PAG1: variants seen among roughly 807,000 people sequenced by gnomAD.
PAG1 encodes the protein phosphoprotein associated with glycosphingolipid-enriched microdomains 1.
A neutral mutation model predicts 31.7 loss-of-function variants in PAG1; 23 were observed. The ratio of observed to expected loss-of-function variants is 0.73; its 90% CI spans 0.52 to 1.03. The LOEUF (loss-of-function observed/expected upper bound fraction) is 1.03. Ranked by LOEUF, PAG1 falls within the 50% of genes least tolerant of loss-of-function variation. The pLI, the probability that PAG1 is intolerant of heterozygous loss-of-function variation, is 0.00. For missense variants in PAG1, 473 were observed against 540.7 expected (o/e 0.87, Z 1.24); for synonymous variants, 214 against 210.3 (o/e 1.02, Z -0.15).
At chr8:81,015,454 C>T (rs892092939) in intron 3 of PAG1, among the ~76,000 whole-genome samples, 6 of 152,216 alleles carry the variant, frequency 3.9e-5, no homozygotes, top group Non-Finnish European at 7.3e-5. Context: ...CCAAGATACA[C>T]ATGCACTCAG....
intron 2 of PAG1, among the ~76,000 whole-genome samples, chr8:81,062,008 T>C (rs574579030): frequency 6.6e-5 from 10 of 152,242 alleles, no homozygotes; most frequent in Non-Finnish European, 1.3e-4. Context: ...TTGAGGCATA[T>C]TTTAAAATAC....
At chr8:81,023,824 G>A (rs1808228813) in intron 3 of PAG1, among the ~76,000 whole-genome samples, 1 of 151,982 alleles carries the variant, frequency 6.6e-6, no homozygotes, top group Non-Finnish European at 1.5e-5. Context: ...ATAAACACAG[G>A]TTTAGGAAAT....
rs377584054 is a variant in PAG1, at chr8:80,987,416, A to T, written c.228T>A (p.Asp76Glu). The T allele has an allele frequency of 6.2e-7, 1 of 1,614,044 alleles. No individual in the cohort carries two copies. Among genetic ancestry groups the T allele is most frequent in the Admixed American group, 1.7e-5 (1 of 60,024 alleles). ...FSRSVTSLATDAPASSEQNGA... is the reference protein window; with the variant it reads ...FSRSVTSLATEAPASSEQNGA... ...CATTCTGCTCACTGCTGGCAGGAGC[A>T]TCTGTTGCCAGGCTAGTAACTGAAC... is the stretch of plus-strand genomic sequence containing the variant. Residue 76 changes from aspartate (D) to glutamate (E), a missense_variant, in exon 6 of 9, where the codon GAT becomes GAA. Physicochemically the swap from Asp to Glu is conservative, Grantham distance 45 (BLOSUM62 2). Transcript: ENST00000220597.
At chr8:80,993,075 G>A (rs1395182862) in intron 4 of PAG1, 28 bp downstream of exon 4, 2 of 1,582,546 alleles carry the variant, frequency 1.3e-6, no homozygotes, top group African/African-American at 1.4e-5. Flanking sequence ...TTAGTTTAAG[G>A]CACAGGTATA....
intron 6 of PAG1, 55 bp downstream of exon 6, chr8:80,987,315 G>A (rs1807444705): frequency 1.9e-6 from 2 of 1,076,184 alleles, no homozygotes; most frequent in Middle Eastern, 2.0e-4. Flanking sequence ...TGAAACCTAG[G>A]ACTTCCAGAG....
rs780010456 is a variant in PAG1, at chr8:80,987,356, T to G, written c.274+14A>C. 6.4e-7 allele frequency: 1 copy of G among 1,562,428 alleles called. No homozygotes were observed. Among genetic ancestry groups the G allele is most frequent in the Non-Finnish European group, 8.8e-7 (1 of 1,133,054 alleles). Reference sequence around the variant, plus strand: ...GAGGCCTGTGTGGAAAGCTGGTGTTTTTGCAGAACTTACTGTCCCCATTGG... The same window carrying G: ...GAGGCCTGTGTGGAAAGCTGGTGTTGTTGCAGAACTTACTGTCCCCATTGG... On this transcript the variant is annotated intron_variant, in intron 6 of 8. Coordinates refer to ENST00000220597, the MANE Select transcript of PAG1 (RefSeq NM_018440.4).
chr8:81,000,953 C>T (rs528602567), intron 3 of PAG1, among the ~76,000 whole-genome samples: 41 of 152,348 alleles, frequency 2.7e-4, no homozygotes, highest in African/African-American at 9.9e-4. Flanking sequence ...TTCACACCTT[C>T]TCCAGCTCCT....
intron 6 of PAG1, among the ~76,000 whole-genome samples, chr8:80,986,282 AG>A (rs1807418493): frequency 6.6e-6 from 1 of 152,138 alleles, no homozygotes; most frequent in Admixed American, 6.5e-5. Context: ...ATCATCACGG[AG>A]GGGGTGAACT....
In PAG1 at chr8:81,102,426, A is replaced by G. The variant is rs548954397; in HGVS notation, c.-234+9165T>C. ...AGCCCCTTTGGATTCAACTTTTCCT[A>G]CCAAAGCTAAAATGTAAAATAGGCA... On this transcript the variant is annotated intron_variant, in intron 1 of 8. Transcript: ENST00000220597. Among the ~76,000 whole-genome samples the G allele has an allele frequency of 2.6e-5, 4 of 152,302 alleles. No homozygotes were observed. The East Asian group carries it at 7.7e-4, about 29-fold the overall frequency.
intron 1 of PAG1, among the ~76,000 whole-genome samples, chr8:81,072,718 C>T (rs1222159388): frequency 6.6e-6 from 1 of 152,178 alleles, no homozygotes; most frequent in Non-Finnish European, 1.5e-5. Context: ...CAAACACATA[C>T]TCACATACTC....
chr8:81,002,758 C>A (rs1807809270), intron 3 of PAG1, among the ~76,000 whole-genome samples: 1 of 152,192 alleles, frequency 6.6e-6, no homozygotes, highest in Non-Finnish European at 1.5e-5. Flanking sequence ...CAAAATATTT[C>A]TTGATTCATA....
At position 81,098,875 on chromosome 8, in the gene PAG1, G is replaced by C. The variant is rs538545474; in HGVS notation, c.-234+12716C>G. Among the ~76,000 whole-genome samples the C allele has an allele frequency of 3.3e-5, 5 of 152,334 alleles. No homozygotes were observed. In the East Asian group the frequency reaches 9.6e-4, roughly 29 times the overall value. On this transcript the variant is annotated intron_variant, in intron 1 of 8. Transcript: ENST00000220597. ...GGCAGAGAGGATTGGAGGGTGGGGA[G>C]CTAGAAAGAAGATGAAATGCAATAG... is the stretch of plus-strand genomic sequence containing the variant.
chr8:81,071,119 T>C (rs926829904), intron 1 of PAG1, among the ~76,000 whole-genome samples: 1 of 151,998 alleles, frequency 6.6e-6, no homozygotes, highest in Non-Finnish European at 1.5e-5. Flanking sequence ...TTAGAAGAAA[T>C]GAAAAGCAAA....
intron 3 of PAG1, among the ~76,000 whole-genome samples, chr8:81,001,278 G>A (rs765651987): frequency 1.7e-4 from 26 of 152,256 alleles, no homozygotes; most frequent in Non-Finnish European, 3.1e-4. Context: ...CATAACTGTA[G>A]CCGTAGTGTG....
At chr8:80,985,507 A>G in intron 6 of PAG1, 130 bp from the exon 7 acceptor site, 1 of 871,202 alleles carries the variant, frequency 1.1e-6, no homozygotes, top group Non-Finnish European at 1.7e-6. Context: ...CACAAATTAT[A>G]GTTGTTATGA....
intron 2 of PAG1, among the ~76,000 whole-genome samples, chr8:81,044,775 G>A (rs1440276182): frequency 6.6e-6 from 1 of 152,054 alleles, no homozygotes; most frequent in East Asian, 1.9e-4. Flanking sequence ...AAGGCTCTAG[G>A]ATGTTTCCTA....
At chr8:81,023,931 G>A (rs1376830555) in intron 3 of PAG1, among the ~76,000 whole-genome samples, 1 of 152,124 alleles carries the variant, frequency 6.6e-6, no homozygotes, top group East Asian at 1.9e-4. Flanking sequence ...CACAACATCA[G>A]TTGCTTCTTC....
Position 80,990,824 on chromosome 8 carries a change from C to T in PAG1, c.177+655G>A, listed in dbSNP as rs1807530637. Among the ~76,000 whole-genome samples, 1 of 152,156 alleles carries T rather than the reference C, an allele frequency of 6.6e-6. No homozygotes were observed. The highest frequency in any genetic ancestry group is 6.5e-5 in the Admixed American group (1 of 15,284). Reference sequence around the variant, plus strand: ...AACTGTGTCTCTCCAAAATTCATGTCCAAGTCCTAACCCCCAGCACCTGAG... The same window carrying T: ...AACTGTGTCTCTCCAAAATTCATGTTCAAGTCCTAACCCCCAGCACCTGAG... On this transcript the variant is annotated intron_variant, in intron 5 of 8. Coordinates refer to ENST00000220597, the MANE Select transcript of PAG1 (RefSeq NM_018440.4). The surrounding 1 kb of genome is among the most constrained non-coding windows in gnomAD (Gnocchi z 5.1).
At chr8:81,078,574 A>G (rs140510689) in intron 1 of PAG1, among the ~76,000 whole-genome samples, 2 of 152,306 alleles carry the variant, frequency 1.3e-5, no homozygotes, top group African/African-American at 4.8e-5. Context: ...TCTCAAATGC[A>G]GGCAATCCTT....
Sources: allele counts gnomAD v4.1 joint callset (sites outside exome capture counted in the v4.1 genomes callset), GRCh38; gene constraint gnomAD v4.1.1; non-coding constraint Gnocchi (gnomAD v3.1); transcripts MANE v1.5; gene names NCBI Gene and HGNC (gene_info 2026-07-23, HGNC 2026-07-21).